The following PIK3C2A variants were observed in gnomAD, a reference collection of about 807,000 sequenced individuals.
PIK3C2A encodes phosphatidylinositol-4-phosphate 3-kinase catalytic subunit type 2 alpha, also known as phosphatidylinositol 4-phosphate 3-kinase C2 domain-containing subunit alpha.
In PIK3C2A, 97 loss-of-function variants were observed where a neutral mutation model predicts 204.5. The ratio of observed to expected loss-of-function variants is 0.47; its 90% CI spans 0.40 to 0.56. The LOEUF (loss-of-function observed/expected upper bound fraction) is 0.56, where lower values mean the gene tolerates loss of function less well. Ranked by LOEUF, PIK3C2A falls within the 20% of genes least tolerant of loss-of-function variation. The pLI, the probability that PIK3C2A is intolerant of heterozygous loss-of-function variation, is 0.00. For synonymous variants in PIK3C2A, 653 were observed against 664.4 expected (o/e 0.98, Z 0.26); for missense variants, 1,735 against 1,969.2 (o/e 0.88, Z 2.25).
chr11:17,196,567 CTAT>C (rs890382330), intron 1 of PIK3C2A, among the ~76,000 whole-genome samples: 26 of 151,884 alleles, frequency 1.7e-4, no homozygotes, highest in African/African-American at 2.2e-4. Flanking sequence ...GGGGAGGATA[CTAT>C]TATTATTATT....
chr11:17,151,854 AC>A (rs1850436249), intron 3 of PIK3C2A, among the ~76,000 whole-genome samples: 1 of 152,142 alleles, frequency 6.6e-6, no homozygotes, highest in Non-Finnish European at 1.5e-5. Flanking sequence ...AATATAATAC[AC>A]CTTTTCTTTA....
rs369475868 is a variant in PIK3C2A at position 17,168,933 on chromosome 11, C to A, written c.809G>T (p.Trp270Leu). 1 of 1,613,924 alleles carries A rather than the reference C, an allele frequency of 6.2e-7. No homozygotes were observed. Among genetic ancestry groups the A allele is most frequent in the Non-Finnish European group, 8.5e-7 (1 of 1,179,962 alleles). Residue 270 changes from tryptophan to leucine, a missense_variant, in exon 2 of 33, where the codon TGG becomes TTG. Physicochemically the swap from Trp to Leu is moderately conservative, Grantham distance 61. Transcript: ENST00000691414. ...PKSEDISKFD[W>L]LDLDPLSKPK... is the part of the protein sequence containing the mutation. ...CTTACTTAGAGGATCCAAGTCTAAC[C>A]AGTCAAATTTACTGATATCCTCAGA...
chr11:17,107,047 C>T (rs1227560896), intron 22 of PIK3C2A, among the ~76,000 whole-genome samples: 1 of 152,204 alleles, frequency 6.6e-6, no homozygotes, highest in African/African-American at 2.4e-5. Flanking sequence ...GGCGTGGTGG[C>T]TCATGCCTGT....
chr11:17,206,480 G>A (rs906473767), intron 1 of PIK3C2A, among the ~76,000 whole-genome samples: 28 of 150,488 alleles, frequency 1.9e-4, no homozygotes, highest in African/African-American at 6.9e-4. Flanking sequence ...GTGAATAAGA[G>A]CACCATCCTG....
chr11:17,146,053 G>C, intron 6 of PIK3C2A, 111 bp from the exon 7 acceptor site: 1 of 671,438 alleles, frequency 1.5e-6, no homozygotes, highest in Non-Finnish European at 2.5e-6. Flanking sequence ...GTGTTTTTCT[G>C]AGAACTGAAA....
At chr11:17,156,904 CTAAAT>C (rs573272148) in intron 2 of PIK3C2A, among the ~76,000 whole-genome samples, 1 of 152,088 alleles carries the variant, frequency 6.6e-6, no homozygotes, top group Non-Finnish European at 1.5e-5. Flanking sequence ...ACCCAGGAGG[CTAAAT>C]TAAGAGGGTC....
intron 19 of PIK3C2A, 104 bp downstream of exon 19, chr11:17,117,384 GTTC>G: frequency 1.5e-6 from 1 of 678,430 alleles, no homozygotes; most frequent in Non-Finnish European, 2.5e-6. Flanking sequence ...TATAGTTAGA[GTTC>G]TACTGGGAGT....
intron 20 of PIK3C2A, among the ~76,000 whole-genome samples, chr11:17,113,172 C>T (rs577887267): frequency 2.4e-4 from 37 of 152,150 alleles, no homozygotes; most frequent in South Asian, 8.3e-4. Context: ...CCACCACACC[C>T]GGCTAATTTA....
chr11:17,200,182 T>C (rs61879756), intron 1 of PIK3C2A, among the ~76,000 whole-genome samples: 1 of 138,128 alleles, frequency 7.2e-6, no homozygotes, highest in African/African-American at 2.5e-5. Flanking sequence ...CGAGACTGCA[T>C]TTCAAAAAAA....
At chr11:17,197,982 C>CT (rs1357748196) in intron 1 of PIK3C2A, among the ~76,000 whole-genome samples, 3 of 152,126 alleles carry the variant, frequency 2.0e-5, no homozygotes, top group Non-Finnish European at 4.4e-5. Flanking sequence ...ATTTCTATGA[C>CT]TAAAAAAGTC....
At position 17,168,903 on chromosome 11, in the gene PIK3C2A, T is replaced by C. The variant is rs201913075; in HGVS notation, c.839A>G (p.Lys280Arg). The C allele has an allele frequency of 1.9e-6, 3 of 1,614,102 alleles. No individual in the cohort carries two copies. In the East Asian group the frequency reaches 6.7e-5, roughly 36 times the overall value. Residue 280 changes from lysine to arginine, a missense_variant, in exon 2 of 33, where the codon AAG (lysine) becomes AGG (arginine). By Grantham distance (26) the Lys-to-Arg change is conservative (BLOSUM62 2). Coordinates refer to ENST00000691414, the MANE Select transcript of PIK3C2A (RefSeq NM_002645.4). ...GTCTAATACCTCCACATTATCCACCTTAGGCTTACTTAGAGGATCCAAGTC... is the reference window on the plus strand; with the variant it reads ...GTCTAATACCTCCACATTATCCACCCTAGGCTTACTTAGAGGATCCAAGTC... Reference protein sequence around the residue: ...WLDLDPLSKPKVDNVEVLDHE... With the variant: ...WLDLDPLSKPRVDNVEVLDHE...
intron 2 of PIK3C2A, among the ~76,000 whole-genome samples, chr11:17,161,289 C>G (rs930307349): frequency 6.6e-6 from 1 of 152,124 alleles, no homozygotes. Flanking sequence ...TGGACTTTTT[C>G]CCAAAGAAAC....
intron 1 of PIK3C2A, chr11:17,204,422 T>C (rs1441550613): frequency 6.6e-6 from 1 of 152,216 alleles, no homozygotes; most frequent in African/African-American, 2.4e-5. Flanking sequence ...GTTTGCTCAA[T>C]ATCTCACCGC....
chr11:17,131,361 C>T (rs1849687502), intron 12 of PIK3C2A, among the ~76,000 whole-genome samples: 1 of 150,764 alleles, frequency 6.6e-6, no homozygotes, highest in South Asian at 2.1e-4. Flanking sequence ...TTGACAAAGT[C>T]TAAAAAGAAT....
At chr11:17,115,007 A>G (rs907246873) in intron 19 of PIK3C2A, among the ~76,000 whole-genome samples, 1 of 152,216 alleles carries the variant, frequency 6.6e-6, no homozygotes, top group African/African-American at 2.4e-5. Context: ...CAGGTAAACA[A>G]TGTATATAGA....
Position 17,092,823 on chromosome 11 carries a change from T to C in PIK3C2A, c.4452-547A>G, listed in dbSNP as rs78484490. Among the ~76,000 whole-genome samples, 7 of 152,308 alleles carry C rather than the reference T, an allele frequency of 4.6e-5. 1 individual carries two copies. The East Asian group carries it at 1.3e-3, about 29-fold the overall frequency. On this transcript the variant is annotated intron_variant, in intron 28 of 32. Transcript: ENST00000691414. ...CTTGGTGCAAAAGTAACTGTGGTTT[T>C]TGACATTAAAAGTAATGGCAAAAAA...
chr11:17,137,923 C>T (rs1849928534), intron 8 of PIK3C2A: 7 of 413,942 alleles, frequency 1.7e-5, no homozygotes, highest in Non-Finnish European at 3.1e-5. Context: ...TTCCTGCCTT[C>T]TAATTTTTTT....
chr11:17,102,264 G>A (rs1016016206), intron 24 of PIK3C2A, among the ~76,000 whole-genome samples: 5 of 151,962 alleles, frequency 3.3e-5, no homozygotes, highest in Non-Finnish European at 5.9e-5. Flanking sequence ...GTGAAACCCC[G>A]TCTCTACTAA....
intron 8 of PIK3C2A, chr11:17,137,981 T>C (rs1315541943): frequency 5.3e-6 from 3 of 564,730 alleles, no homozygotes; most frequent in Non-Finnish European, 9.8e-6. Context: ...ATCTTTTATT[T>C]AGCTTTCTGA....
Sources: gnomAD v4.1 joint callset for allele counts (sites outside exome capture counted in the v4.1 genomes callset) on GRCh38, gnomAD v4.1.1 for gene constraint, MANE v1.5 for transcripts, NCBI Gene and HGNC (gene_info 2026-07-23, HGNC 2026-07-21) for gene names.